GUCY1A2: variants seen among roughly 807,000 people sequenced by gnomAD.
The protein encoded by GUCY1A2 is guanylate cyclase 1 soluble subunit alpha 2.
Under a neutral mutation model 63.5 loss-of-function variants are expected in GUCY1A2, and 27 were observed. The ratio of observed to expected loss-of-function variants is 0.43; its 90% CI spans 0.31 to 0.59. GUCY1A2 has a LOEUF of 0.59. Ranked by LOEUF, GUCY1A2 falls within the 20% of genes least tolerant of loss-of-function variation. GUCY1A2 has a pLI of 0.11. For synonymous variants in GUCY1A2, 364 were observed against 343.5 expected, an observed-to-expected ratio of 1.06 and a Z score of -0.66; for missense variants, 768 against 913.3, an observed-to-expected ratio of 0.84 and a Z score of 2.05.
At chr11:106,971,227 G>GTGTA (rs1861190571) in intron 3 of GUCY1A2, among the ~76,000 whole-genome samples, 1 of 151,596 alleles carries the variant, frequency 6.6e-6, no homozygotes, top group Non-Finnish European at 1.5e-5. Context: ...AAATGTGTGT[G>GTGTA]TGTGTGTGTG....
At chr11:106,705,154 GAA>G (rs1398848631) in intron 7 of GUCY1A2, among the ~76,000 whole-genome samples, 4 of 151,986 alleles carry the variant, frequency 2.6e-5, no homozygotes, top group African/African-American at 9.7e-5. Flanking sequence ...AAAATATACC[GAA>G]GTGTTGATCA....
At chr11:106,981,351 G>A (rs1340550211) in intron 2 of GUCY1A2, among the ~76,000 whole-genome samples, 1 of 151,888 alleles carries the variant, frequency 6.6e-6, no homozygotes, top group African/African-American at 2.4e-5. Context: ...AACAAACATA[G>A]GGCCCACATT....
chr11:106,893,153 G>A (rs932476514), intron 4 of GUCY1A2, among the ~76,000 whole-genome samples: 4 of 152,108 alleles, frequency 2.6e-5, no homozygotes, highest in African/African-American at 4.8e-5. Context: ...AAATCAAAAC[G>A]AGAAAAATAT....
intron 5 of GUCY1A2, among the ~76,000 whole-genome samples, chr11:106,781,928 A>C (rs941276019): frequency 3.3e-5 from 5 of 152,004 alleles, no homozygotes; most frequent in Admixed American, 6.6e-5. Flanking sequence ...TTTAGCTCCT[A>C]ATTAAATTTC....
chr11:106,702,886 A>C (rs1371392571), intron 7 of GUCY1A2, among the ~76,000 whole-genome samples: 1 of 152,102 alleles, frequency 6.6e-6, no homozygotes, highest in East Asian at 1.9e-4. Flanking sequence ...GACGTTTAAT[A>C]TTGAGTGTCA....
chr11:106,709,543 ATAT>A (rs1198898904), intron 6 of GUCY1A2, among the ~76,000 whole-genome samples: 24 of 58,774 alleles, frequency 4.1e-4, no homozygotes, highest in African/African-American at 1.2e-3. Flanking sequence ...ATAATATATT[ATAT>A]TATTATATAA....
intron 7 of GUCY1A2, among the ~76,000 whole-genome samples, chr11:106,697,035 C>A (rs1862732979): frequency 6.6e-6 from 1 of 152,126 alleles, no homozygotes; most frequent in Admixed American, 6.5e-5. Flanking sequence ...TTAGTTACAG[C>A]TCTAACATTT....
At chr11:106,709,361 AAT>A (rs1182765969) in intron 6 of GUCY1A2, among the ~76,000 whole-genome samples, 2 of 89,854 alleles carry the variant, frequency 2.2e-5, no homozygotes, top group African/African-American at 4.5e-5. Context: ...TATTTTATAT[AAT>A]ATATATAAAT....
intron 6 of GUCY1A2, among the ~76,000 whole-genome samples, chr11:106,744,507 T>A (rs1270335151): frequency 1.3e-5 from 2 of 152,210 alleles, no homozygotes; most frequent in African/African-American, 4.8e-5. Context: ...ATTTAACTTT[T>A]ATCTTGTACA....
intron 4 of GUCY1A2, among the ~76,000 whole-genome samples, chr11:106,854,944 T>C (rs1412597248): frequency 6.6e-6 from 1 of 152,146 alleles, no homozygotes; most frequent in Non-Finnish European, 1.5e-5. Flanking sequence ...GCCAGAATCC[T>C]GGGGACCAAG....
At chr11:106,899,449 A>G (rs1860096008) in intron 4 of GUCY1A2, among the ~76,000 whole-genome samples, 1 of 152,214 alleles carries the variant, frequency 6.6e-6, no homozygotes, top group Non-Finnish European at 1.5e-5. Context: ...AGAGATAAAT[A>G]AAACAAGTGT....
chr11:106,844,154 C>T (rs1263869139), intron 4 of GUCY1A2, among the ~76,000 whole-genome samples: 1 of 151,716 alleles, frequency 6.6e-6, no homozygotes, highest in East Asian at 1.9e-4. Flanking sequence ...CCTTTGTATT[C>T]TGGAATCTGT....
chr11:106,775,556 GT>G (rs1864341544), intron 6 of GUCY1A2, among the ~76,000 whole-genome samples: 1 of 151,222 alleles, frequency 6.6e-6, no homozygotes, highest in South Asian at 2.1e-4. Context: ...GTGCCTAATA[GT>G]TTTTTAAAAA....
chr11:106,872,086 T>A (rs922435763), intron 4 of GUCY1A2, among the ~76,000 whole-genome samples: 22 of 152,124 alleles, frequency 1.4e-4, no homozygotes, highest in African/African-American at 5.3e-4. Flanking sequence ...AAGCGGTTGA[T>A]AACACAGAGA....
intron 1 of GUCY1A2, among the ~76,000 whole-genome samples, chr11:107,001,607 C>T (rs1182185717): frequency 6.6e-6 from 1 of 151,780 alleles, no homozygotes; most frequent in Admixed American, 6.6e-5. Flanking sequence ...TTTGTTTTTG[C>T]TGTTGTTGAT....
At chr11:106,974,609 C>A (rs1861238803) in intron 3 of GUCY1A2, among the ~76,000 whole-genome samples, 1 of 152,080 alleles carries the variant, frequency 6.6e-6, no homozygotes, top group South Asian at 2.1e-4. Flanking sequence ...ATCCCTGATA[C>A]TAAGAAAATA....
At chr11:107,017,312 G>T (rs76026619) in intron 1 of GUCY1A2, among the ~76,000 whole-genome samples, 1 of 152,312 alleles carries the variant, frequency 6.6e-6, no homozygotes, top group East Asian at 1.9e-4. Flanking sequence ...ATAAGGAGAG[G>T]AAGGGTTTCC....
chr11:106,864,509 G>A (rs992029846), intron 4 of GUCY1A2, among the ~76,000 whole-genome samples: 7 of 152,062 alleles, frequency 4.6e-5, no homozygotes, highest in Non-Finnish European at 5.9e-5. Flanking sequence ...TTTTCAAAGG[G>A]AATGCTTCCA....
intron 1 of GUCY1A2, among the ~76,000 whole-genome samples, chr11:106,989,467 T>G (rs947074426): frequency 6.6e-6 from 1 of 152,164 alleles, no homozygotes; most frequent in Non-Finnish European, 1.5e-5. Context: ...TTTATGGGAA[T>G]GCACTGAAAT....
Sources: gnomAD v4.1 joint callset for allele counts (sites outside exome capture counted in the v4.1 genomes callset) on GRCh38, gnomAD v4.1.1 for gene constraint, MANE v1.5 for transcripts, NCBI Gene and HGNC (gene_info 2026-07-23, HGNC 2026-07-21) for gene names.